YWHAZ: variants seen among roughly 807,000 people sequenced by gnomAD.
YWHAZ encodes tyrosine 3-monooxygenase/tryptophan 5-monooxygenase activation protein zeta, also known as 14-3-3 protein zeta/delta.
For missense variants in YWHAZ, 79 were observed against 284.8 expected (o/e 0.28, Z 5.20); for synonymous variants, 87 against 103.6 (o/e 0.84, Z 0.97).
In YWHAZ at chr8:100,932,423, T is replaced by C. The variant is rs1286498517; in HGVS notation, c.295-7384A>G. ...GGTACATATATACTACCTCTATAAA[T>C]AGGTACATTTTCTAGGAAAAAACCC... On this transcript the variant is annotated intron_variant, in intron 2 of 5. Transcript: ENST00000395958. Among the ~76,000 whole-genome samples the C allele has an allele frequency of 3.9e-5, 6 of 152,258 alleles. No individual in the cohort carries two copies. In the East Asian group the frequency reaches 1.2e-3, roughly 29 times the overall value.
At chr8:100,952,186 C>T (rs1038745900), upstream of YWHAZ, 5 of 983,622 alleles carry the variant, frequency 5.1e-6, no homozygotes, top group South Asian at 4.7e-5. Flanking sequence ...ACCGCCGCTC[C>T]CCGGCGCTCG....
rs569125670 is a variant in YWHAZ at position 100,918,097 on chromosome 8, C to T, written c.*2596G>A. On this transcript the variant is annotated 3_prime_UTR_variant, in exon 6 of 6. Coordinates refer to ENST00000395958, the MANE Select transcript of YWHAZ (RefSeq NM_145690.3). Reference sequence around the variant, plus strand: ...GTGGCTTATGCCTGTAATCCCAGCACTTTGGGAGGTTGAGATGGGCGGATT... The same window carrying T: ...GTGGCTTATGCCTGTAATCCCAGCATTTTGGGAGGTTGAGATGGGCGGATT... 1 of 152,020 alleles carries T rather than the reference C, an allele frequency of 6.6e-6. No individual in the cohort carries two copies. The highest frequency in any genetic ancestry group is 2.4e-5 in the African/African-American group (1 of 41,454). 9.4% of individuals were successfully genotyped at this position (152,020 alleles called of 1,614,324 possible).
chr8:100,951,674 G>A (rs1563695417), intron 1 of YWHAZ: 1 of 985,408 alleles, frequency 1.0e-6, no homozygotes, highest in Non-Finnish European at 1.2e-6. Flanking sequence ...CCCGGGGGCA[G>A]GACGGGGGAG....
At position 100,924,097 on chromosome 8, in the gene YWHAZ, A is replaced by C. The variant is rs1813204191; in HGVS notation, c.582+38T>G. ...TTACATTTCAGTGCTCAAATAATAA[A>C]GACTGCTAAATTTCTACGTAACAGG... On this transcript the variant is annotated intron_variant, in intron 4 of 5. Coordinates refer to ENST00000395958, the MANE Select transcript of YWHAZ (RefSeq NM_145690.3). This position sits in a 1 kb window ranked among gnomAD's most constrained non-coding sequence, Gnocchi z 5.7. 36 of 1,608,038 alleles carry C rather than the reference A, an allele frequency of 2.2e-5. No homozygotes were observed. Among genetic ancestry groups the C allele is most frequent in the Non-Finnish European group, 3.1e-5 (36 of 1,177,980 alleles).
intron 1 of YWHAZ, 37 bp downstream of exon 1, chr8:100,951,892 A>T: frequency 1.0e-6 from 1 of 992,218 alleles, no homozygotes; most frequent in Non-Finnish European, 1.2e-6. Flanking sequence ...CTGGCCTGGG[A>T]CAGGAAGCGA....
intron 2 of YWHAZ, among the ~76,000 whole-genome samples, chr8:100,929,795 C>A (rs1466215575): frequency 2.6e-5 from 4 of 151,426 alleles, no homozygotes; most frequent in Non-Finnish European, 1.5e-5. Flanking sequence ...AGATAAAACC[C>A]AATGTAGGAA....
intron 2 of YWHAZ, among the ~76,000 whole-genome samples, chr8:100,930,842 A>C (rs1291146927): frequency 1.3e-5 from 2 of 152,222 alleles, no homozygotes; most frequent in African/African-American, 4.8e-5. Flanking sequence ...TAATTTGCTG[A>C]ATTAGAGTTA....
Position 100,924,818 on chromosome 8 carries a change from C to CT in YWHAZ, c.418+97dup. ...GCACTGCTACTCCTTATTCGGCACT[C>CT]TAAGCAATTCAAAACAAGACATTAT... On this transcript the variant is annotated intron_variant, in intron 3 of 5. Transcript: ENST00000395958. This position sits in a 1 kb window ranked among gnomAD's most constrained non-coding sequence, Gnocchi z 5.7. 6.6e-7 allele frequency: 1 copy of CT among 1,512,194 alleles called. No homozygotes were observed. The highest frequency in any genetic ancestry group is 9.0e-7 in the Non-Finnish European group (1 of 1,112,180). The allele number at this position is 1,512,194 out of a possible 1,614,324, so 93.7% of individuals were successfully genotyped here.
intron 2 of YWHAZ, among the ~76,000 whole-genome samples, chr8:100,941,820 A>T (rs1002208657): frequency 1.7e-4 from 21 of 124,928 alleles, no homozygotes; most frequent in African/African-American, 5.6e-4. Context: ...CAAAAAAAAA[A>T]AAAAACATCT....
upstream of YWHAZ, chr8:100,952,759 C>A: frequency 1.0e-6 from 1 of 989,686 alleles, no homozygotes; most frequent in East Asian, 1.2e-4. Flanking sequence ...TGGTGCGCTG[C>A]CCCCCGCCCC....
chr8:100,927,244 A>G (rs183456419), intron 2 of YWHAZ, among the ~76,000 whole-genome samples: 22 of 152,292 alleles, frequency 1.4e-4, no homozygotes, highest in African/African-American at 5.3e-4. Context: ...CAAGAATTGC[A>G]GGGCACGGTG....
At chr8:100,952,053 T>G, upstream of YWHAZ, 2 of 989,116 alleles carry the variant, frequency 2.0e-6, no homozygotes, top group Non-Finnish European at 2.4e-6. Flanking sequence ...CTACAGCCGC[T>G]CCGCAGACAC....
Position 100,926,115 on chromosome 8 carries a change from T to TA in YWHAZ, c.295-1077dup, listed in dbSNP as rs1382658565. ...AAAATATAAATTTGAAAAATGCTTT[T>TA]AAATGGTAACTCCAACTTTTTGTTT... On this transcript the variant is annotated intron_variant, in intron 2 of 5. Coordinates refer to ENST00000395958, the MANE Select transcript of YWHAZ (RefSeq NM_145690.3). Among the ~76,000 whole-genome samples the TA allele has an allele frequency of 5.3e-5, 8 of 152,276 alleles. No homozygotes were observed. The East Asian group carries it at 1.5e-3, about 29-fold the overall frequency.
At position 100,924,859 on chromosome 8, in the gene YWHAZ, T is replaced by A. The variant is rs1280871433; in HGVS notation, c.418+57A>T. 7 of 1,604,524 alleles carry A rather than the reference T, an allele frequency of 4.4e-6. No homozygotes were observed. In the East Asian group the frequency reaches 1.6e-4, roughly 36 times the overall value. The stretch of plus-strand genomic sequence containing the variant: ...AAGACATTATGTACGCTTCAGAGAC[T>A]CTTCCTCACTATGTTATCTTATACA... On this transcript the variant is annotated intron_variant, in intron 3 of 5. Coordinates refer to ENST00000395958, the MANE Select transcript of YWHAZ (RefSeq NM_145690.3). This position sits in a 1 kb window ranked among gnomAD's most constrained non-coding sequence, Gnocchi z 5.7.
At chr8:100,951,671 G>T (rs1810797598) in intron 1 of YWHAZ, 1 of 985,374 alleles carries the variant, frequency 1.0e-6, no homozygotes, top group South Asian at 4.7e-5. Flanking sequence ...ACCCCCGGGG[G>T]CAGGACGGGG....
At chr8:100,934,948 T>C (rs1388387228) in intron 2 of YWHAZ, 1 of 151,794 alleles carries the variant, frequency 6.6e-6, no homozygotes. Flanking sequence ...GCAAGTACAA[T>C]TTAAAATAAA....
At chr8:100,952,782 C>A (rs1320635532), upstream of YWHAZ, 35 of 999,514 alleles carry the variant, frequency 3.5e-5, no homozygotes, top group Non-Finnish European at 3.9e-5. Flanking sequence ...CCGCCGCTCC[C>A]CTTCCCCGGC....
chr8:100,951,692 C>G (rs1810800078), intron 1 of YWHAZ: 1 of 985,202 alleles, frequency 1.0e-6, no homozygotes, highest in South Asian at 4.7e-5. Flanking sequence ...GAGCGAGCAC[C>G]GATCGGCGCC....
At chr8:100,947,591 T>G (rs949376153) in intron 2 of YWHAZ, among the ~76,000 whole-genome samples, 3 of 152,190 alleles carry the variant, frequency 2.0e-5, no homozygotes, top group Non-Finnish European at 4.4e-5. Flanking sequence ...AAAGAAATGA[T>G]AGTATCATCA....
Sources: allele counts gnomAD v4.1 joint callset (sites outside exome capture counted in the v4.1 genomes callset), GRCh38; gene constraint gnomAD v4.1.1; non-coding constraint Gnocchi (gnomAD v3.1); transcripts MANE v1.5; gene names NCBI Gene and HGNC (gene_info 2026-07-23, HGNC 2026-07-21).